The following PDZRN4 variants were observed in gnomAD, a reference collection of about 807,000 sequenced individuals.
The protein encoded by PDZRN4 is PDZ domain containing ring finger 4.
A neutral mutation model predicts 99.0 loss-of-function variants in PDZRN4; 70 were observed. The ratio of observed to expected loss-of-function variants is 0.71; its 90% CI spans 0.58 to 0.86. The LOEUF is 0.86. Ranked by LOEUF, PDZRN4 falls within the 40% of genes least tolerant of loss-of-function variation. PDZRN4 has a pLI of 0.00. For synonymous variants in PDZRN4, 551 were observed against 501.6 expected, an observed-to-expected ratio of 1.10 and a Z score of -1.32; for missense variants, 1,474 against 1,331.2, an observed-to-expected ratio of 1.11 and a Z score of -1.67.
At chr12:41,493,331 A>G (rs886717282) in intron 3 of PDZRN4, among the ~76,000 whole-genome samples, 2 of 152,164 alleles carry the variant, frequency 1.3e-5, no homozygotes, top group Non-Finnish European at 2.9e-5. Flanking sequence ...TTATTTCAAA[A>G]GCATACAGAT....
intron 3 of PDZRN4, among the ~76,000 whole-genome samples, chr12:41,248,939 G>A (rs545007295): frequency 5.9e-5 from 9 of 152,190 alleles, no homozygotes; most frequent in African/African-American, 2.2e-4. Flanking sequence ...TAACCAGAAA[G>A]CATTTAGATT....
intron 3 of PDZRN4, among the ~76,000 whole-genome samples, chr12:41,375,246 A>G (rs1952070595): frequency 6.6e-6 from 1 of 152,204 alleles, no homozygotes; most frequent in African/African-American, 2.4e-5. Flanking sequence ...ACTATACAAG[A>G]TAGTGTGAAT....
At chr12:41,255,723 G>A (rs1280388859) in intron 3 of PDZRN4, among the ~76,000 whole-genome samples, 5 of 152,154 alleles carry the variant, frequency 3.3e-5, no homozygotes, top group Admixed American at 6.5e-5. Context: ...AGGAAGCATG[G>A]CACCAGTATC....
rs150446588 is a variant in PDZRN4, at chr12:41,408,758, TTCTCTC to T, written c.844-97682_844-97677del. Among the ~76,000 whole-genome samples, 266 of 149,098 alleles carry T rather than the reference TTCTCTC, an allele frequency of 1.8e-3. 1 individual carries two copies. Among genetic ancestry groups the T allele is most frequent in the Admixed American group, 3.8e-3 (56 of 14,884 alleles). Reference sequence around the variant, plus strand: ...TTCTTCCTTTCTCCTTCCTAAACATTTCTCTCTCTCTCTCTCTCTCTGTCTTCTCTC... The same window carrying T: ...TTCTTCCTTTCTCCTTCCTAAACATTTCTCTCTCTCTCTCTGTCTTCTCTC... On this transcript the variant is annotated intron_variant, in intron 3 of 9. Coordinates refer to ENST00000402685, the MANE Select transcript of PDZRN4 (RefSeq NM_001164595.2).
chr12:41,549,118 A>G (rs779830122), intron 5 of PDZRN4, among the ~76,000 whole-genome samples: 2 of 152,212 alleles, frequency 1.3e-5, no homozygotes, highest in Non-Finnish European at 2.9e-5. Flanking sequence ...GCTGCCATCC[A>G]TGCAGGCTTG....
At chr12:41,223,962 G>A (rs1456884854) in intron 3 of PDZRN4, among the ~76,000 whole-genome samples, 1 of 152,232 alleles carries the variant, frequency 6.6e-6, no homozygotes, top group African/African-American at 2.4e-5. Context: ...TTCCACTAAA[G>A]AGGCCTCTGA....
chr12:41,356,408 G>T (rs1268844587), intron 3 of PDZRN4, among the ~76,000 whole-genome samples: 4 of 151,894 alleles, frequency 2.6e-5, no homozygotes, highest in Non-Finnish European at 4.4e-5. Context: ...AAATAACAAT[G>T]TTGGAAGGTG....
At chr12:41,354,747 C>A (rs776258655) in intron 3 of PDZRN4, among the ~76,000 whole-genome samples, 2 of 151,950 alleles carry the variant, frequency 1.3e-5, no homozygotes, top group Non-Finnish European at 2.9e-5. Flanking sequence ...CCTTGCACTG[C>A]TGAGTAAGAG....
At chr12:41,337,584 T>C (rs1163131053) in intron 3 of PDZRN4, among the ~76,000 whole-genome samples, 3 of 152,146 alleles carry the variant, frequency 2.0e-5, no homozygotes, top group Admixed American at 6.6e-5. Flanking sequence ...GCTTGGTTCT[T>C]CAGAGAAGCC....
chr12:41,271,241 A>T (rs1951312512), intron 3 of PDZRN4, among the ~76,000 whole-genome samples: 2 of 151,836 alleles, frequency 1.3e-5, no homozygotes, highest in Admixed American at 1.3e-4. Context: ...AAATAGAGAC[A>T]GGATACATTA....
At chr12:41,384,354 T>C (rs929791797) in intron 3 of PDZRN4, among the ~76,000 whole-genome samples, 13 of 152,292 alleles carry the variant, frequency 8.5e-5, no homozygotes, top group African/African-American at 2.9e-4. Flanking sequence ...AGTAATATCC[T>C]CCTTACTCAG....
intron 5 of PDZRN4, among the ~76,000 whole-genome samples, chr12:41,533,883 C>G (rs1391965635): frequency 6.6e-6 from 1 of 151,982 alleles, no homozygotes; most frequent in Admixed American, 6.6e-5. Context: ...TTCTTCTTCC[C>G]TTTTTAAAAA....
Position 41,573,798 on chromosome 12 carries a change from T to C in PDZRN4, c.3019T>C (p.Trp1007Arg). 6.2e-7 allele frequency: 1 copy of C among 1,613,520 alleles called. No homozygotes were observed. The highest frequency in any genetic ancestry group is 8.5e-7 in the Non-Finnish European group (1 of 1,179,748). Residue 1007 changes from tryptophan to arginine, a missense_variant, in exon 10 of 10, where the codon TGG (tryptophan) becomes CGG (arginine). Coordinates refer to ENST00000402685, the MANE Select transcript of PDZRN4 (RefSeq NM_001164595.2). ...GAGAAACAAGAAAATTTTGGACAACTGGATGACAATCCAAGAACTGATGAC... is the reference window on the plus strand; with the variant it reads ...GAGAAACAAGAAAATTTTGGACAACCGGATGACAATCCAAGAACTGATGAC... ...KKRNKKILDNWMTIQELMTHG... is the reference protein window; with the variant it reads ...KKRNKKILDNRMTIQELMTHG...
chr12:41,567,861 A>G lies in PDZRN4; in HGVS notation c.1546A>G (p.Asn516Asp). The change falls in exon 9 of 10, where the codon AAT becomes GAT. Residue 516 changes from asparagine to aspartate, a missense_variant. By Grantham distance (23) the Asn-to-Asp change is conservative (BLOSUM62 1). Transcript: ENST00000402685. ...CTTGGAGATGTTGGAAGAAGAGCAT[A>G]ATGAAGCAATGCAGCCCACTGCCAA... is the stretch of plus-strand genomic sequence containing the variant. ...LNLEMLEEEH[N>D]EAMQPTANEV... 3 of 1,613,144 alleles carry G rather than the reference A, an allele frequency of 1.9e-6. No homozygotes were observed. The highest frequency in any genetic ancestry group is 2.5e-6 in the Non-Finnish European group (3 of 1,179,286).
Position 41,506,575 on chromosome 12 carries a change from T to C in PDZRN4, c.963T>C (p.Tyr321=). 3 of 1,613,908 alleles carry C rather than the reference T, an allele frequency of 1.9e-6. No homozygotes were observed. Among genetic ancestry groups the C allele is most frequent in the East Asian group, 2.2e-5 (1 of 44,854 alleles). Residue 321 remains tyrosine (Y), a synonymous_variant, in exon 4 of 10, where the codon TAT becomes TAC. Transcript: ENST00000402685. ...GAACACCTCTTAGTAGACCAGCCTA[T>C]GGGATGGCTTCAGAAGTGCAGCTTA... ...LRRTPLSRPA[Y]GMASEVQLMN...
intron 3 of PDZRN4, among the ~76,000 whole-genome samples, chr12:41,362,082 T>A (rs1243534134): frequency 6.6e-6 from 1 of 151,872 alleles, no homozygotes; most frequent in Non-Finnish European, 1.5e-5. Flanking sequence ...ATATGGCAAA[T>A]AATTTTATTA....
At chr12:41,436,209 G>A (rs1952627942) in intron 3 of PDZRN4, among the ~76,000 whole-genome samples, 1 of 152,136 alleles carries the variant, frequency 6.6e-6, no homozygotes, top group African/African-American at 2.4e-5. Flanking sequence ...CTTTCATGTA[G>A]GTCTCTCAGC....
In PDZRN4 at chr12:41,443,517, G is replaced by A. The variant is rs573392875; in HGVS notation, c.844-62939G>A. ...CAATTTTCTGTTCATTTTTTTAAGA[G>A]AAAGAGAACTGTGATAAGAGTTCAA... On this transcript the variant is annotated intron_variant, in intron 3 of 9. Transcript: ENST00000402685. Among the ~76,000 whole-genome samples, 46 of 152,054 alleles carry A rather than the reference G, an allele frequency of 3.0e-4. 1 individual carries two copies. Among genetic ancestry groups the A allele is most frequent in the Non-Finnish European group, 6.0e-4 (41 of 67,980 alleles).
At chr12:41,370,063 T>G (rs1952029852) in intron 3 of PDZRN4, among the ~76,000 whole-genome samples, 1 of 151,984 alleles carries the variant, frequency 6.6e-6, no homozygotes, top group Non-Finnish European at 1.5e-5. Flanking sequence ...AAATTACACA[T>G]TATTTCTATC....
Sources: allele counts gnomAD v4.1 joint callset (sites outside exome capture counted in the v4.1 genomes callset), GRCh38; gene constraint gnomAD v4.1.1; transcripts MANE v1.5; gene names NCBI Gene and HGNC (gene_info 2026-07-23, HGNC 2026-07-21).